The following MED13L variants were observed in gnomAD, a reference collection of about 807,000 sequenced individuals.
MED13L encodes the protein mediator complex subunit 13L, also known as mediator of RNA polymerase II transcription subunit 13-like.
A neutral mutation model predicts 220.9 loss-of-function variants in MED13L; 7 were observed. The ratio of observed to expected loss-of-function variants is 0.03; its 90% CI spans 0.02 to 0.06. MED13L has a LOEUF of 0.06. Among genes scored for constraint, MED13L ranks in the 10% least tolerant of loss-of-function variants. The pLI is 1.00. For synonymous variants in MED13L, 1,011 were observed against 1,015.2 expected (o/e 1.00, Z 0.08); for missense variants, 1,965 against 2,760.5 (o/e 0.71, Z 6.46).
chr12:116,240,540 T>TA (rs1389876717), intron 1 of MED13L, among the ~76,000 whole-genome samples: 6 of 150,838 alleles, frequency 4.0e-5, no homozygotes, highest in Middle Eastern at 3.7e-3. Flanking sequence ...TATTTTATTT[T>TA]TTTTTTTTTG....
intron 2 of MED13L, among the ~76,000 whole-genome samples, chr12:116,203,465 T>G (rs1384721563): frequency 1.3e-5 from 2 of 151,912 alleles, no homozygotes; most frequent in African/African-American, 4.8e-5. Flanking sequence ...AACAGTCCAG[T>G]GCTAGAGCTG....
At chr12:116,246,223 C>T (rs1401504187) in intron 1 of MED13L, among the ~76,000 whole-genome samples, 1 of 142,618 alleles carries the variant, frequency 7.0e-6, no homozygotes, top group Admixed American at 6.9e-5. Context: ...AAAAAAAAAG[C>T]ACCCTTTCTC....
intron 2 of MED13L, among the ~76,000 whole-genome samples, chr12:116,229,507 T>A (rs1869340231): frequency 6.6e-6 from 1 of 152,198 alleles, no homozygotes. Context: ...TTTAACACAA[T>A]CTCAGTATGT....
intron 4 of MED13L, among the ~76,000 whole-genome samples, chr12:116,069,997 T>C (rs985559217): frequency 5.3e-5 from 8 of 152,228 alleles, no homozygotes; most frequent in African/African-American, 1.7e-4. Flanking sequence ...ACTCAACTTG[T>C]ACTGCTGGTT....
intron 2 of MED13L, among the ~76,000 whole-genome samples, chr12:116,115,001 G>C (rs1004789791): frequency 6.6e-6 from 1 of 151,958 alleles, no homozygotes; most frequent in Non-Finnish European, 1.5e-5. Context: ...ACAAACTACA[G>C]AATCAACTCA....
At chr12:116,178,912 AT>A (rs1195930246) in intron 2 of MED13L, among the ~76,000 whole-genome samples, 1 of 152,236 alleles carries the variant, frequency 6.6e-6, no homozygotes, top group Admixed American at 6.5e-5. Context: ...TAGAGATTAT[AT>A]AGTTACACCG....
chr12:116,186,774 C>A (rs1284220204), intron 2 of MED13L, among the ~76,000 whole-genome samples: 1 of 152,178 alleles, frequency 6.6e-6, no homozygotes, highest in African/African-American at 2.4e-5. Context: ...AGGGTAGACA[C>A]AGAAACACTG....
intron 2 of MED13L, among the ~76,000 whole-genome samples, chr12:116,191,456 T>C (rs1881275708): frequency 6.6e-6 from 1 of 151,940 alleles, no homozygotes; most frequent in Non-Finnish European, 1.5e-5. Flanking sequence ...TCAGTCTACC[T>C]AGTGGCTGGG....
At chr12:116,020,424 A>C (rs1223359270) in intron 5 of MED13L, among the ~76,000 whole-genome samples, 1 of 152,210 alleles carries the variant, frequency 6.6e-6, no homozygotes, top group Non-Finnish European at 1.5e-5. Flanking sequence ...AAAATCATTC[A>C]ACATGGAGAC....
chr12:116,180,931 CTTT>C (rs11320330), intron 2 of MED13L, among the ~76,000 whole-genome samples: 42 of 121,088 alleles, frequency 3.5e-4, no homozygotes, highest in Non-Finnish European at 3.5e-4. Flanking sequence ...TTCTCTCTCT[CTTT>C]TTTTTTTTTT....
intron 4 of MED13L, among the ~76,000 whole-genome samples, chr12:116,046,849 T>C (rs1199883854): frequency 6.6e-6 from 1 of 152,150 alleles, no homozygotes. Flanking sequence ...GGTGGGTGCC[T>C]GTAGTCCCAG....
At chr12:116,268,909 A>G (rs1024310038) in intron 1 of MED13L, among the ~76,000 whole-genome samples, 1 of 152,134 alleles carries the variant, frequency 6.6e-6, no homozygotes, top group Admixed American at 6.5e-5. Flanking sequence ...AGACTTAAAT[A>G]TTTTCCTGCT....
chr12:116,218,073 A>G (rs1883107008), intron 2 of MED13L, among the ~76,000 whole-genome samples: 1 of 152,210 alleles, frequency 6.6e-6, no homozygotes, highest in South Asian at 2.1e-4. Flanking sequence ...AAGAGATTCG[A>G]TAACATAAAG....
chr12:116,235,122 T>A (rs1869955138), intron 2 of MED13L, among the ~76,000 whole-genome samples: 1 of 152,186 alleles, frequency 6.6e-6, no homozygotes, highest in Non-Finnish European at 1.5e-5. Flanking sequence ...TGAAACAAAG[T>A]TGTCTTTATG....
chr12:116,057,690 G>T (rs990990772), intron 4 of MED13L, among the ~76,000 whole-genome samples: 5 of 151,578 alleles, frequency 3.3e-5, no homozygotes, highest in African/African-American at 1.2e-4. Flanking sequence ...CAGCCCTAAA[G>T]TCTATTTCCA....
intron 2 of MED13L, among the ~76,000 whole-genome samples, chr12:116,222,295 G>A (rs1051426628): frequency 3.3e-5 from 5 of 152,134 alleles, no homozygotes; most frequent in Non-Finnish European, 5.9e-5. Flanking sequence ...GCAATGACAC[G>A]TCACAGAAGT....
chr12:116,146,781 T>C (rs1419610030), intron 2 of MED13L, among the ~76,000 whole-genome samples: 1 of 151,688 alleles, frequency 6.6e-6, no homozygotes, highest in Non-Finnish European at 1.5e-5. Context: ...GGCACAAAAA[T>C]TGCTTGAACC....
chr12:116,064,677 C>T (rs760075632), intron 4 of MED13L, among the ~76,000 whole-genome samples: 24 of 152,198 alleles, frequency 1.6e-4, no homozygotes, highest in Non-Finnish European at 2.1e-4. Context: ...ACAAGGAAGA[C>T]TGCTTAAACA....
chr12:116,260,712 C>T (rs1267270195), intron 1 of MED13L, among the ~76,000 whole-genome samples: 5 of 152,120 alleles, frequency 3.3e-5, no homozygotes, highest in Non-Finnish European at 7.4e-5. Flanking sequence ...CTATTCTATC[C>T]ACTGGTTCCC....
Sources: gnomAD v4.1 joint callset for allele counts (sites outside exome capture counted in the v4.1 genomes callset) on GRCh38, gnomAD v4.1.1 for gene constraint, MANE v1.5 for transcripts, NCBI Gene and HGNC (gene_info 2026-07-23, HGNC 2026-07-21) for gene names.